Variants in OPCML observed in about 807,000 individuals in gnomAD.
OPCML encodes the protein opioid binding protein/cell adhesion molecule like.
In OPCML, 13 loss-of-function variants were observed where a neutral mutation model predicts 37.8. The ratio of observed to expected loss-of-function variants is 0.34; its 90% CI spans 0.22 to 0.55. The LOEUF (loss-of-function observed/expected upper bound fraction) is 0.55. Ranked by LOEUF, OPCML falls within the 20% of genes least tolerant of loss-of-function variation. The probability of loss-of-function intolerance (pLI) is 0.91; values close to 1 mark genes in which losing one functional copy is unlikely to be tolerated. For missense variants in OPCML, 341 were observed against 435.6 expected (o/e 0.78, Z 1.93); for synonymous variants, 176 against 168.8 (o/e 1.04, Z -0.33).
intron 2 of OPCML, among the ~76,000 whole-genome samples, chr11:132,756,120 C>T (rs1217551916): frequency 6.6e-6 from 1 of 152,164 alleles, no homozygotes; most frequent in African/African-American, 2.4e-5. Flanking sequence ...GTGGTGACGG[C>T]TGTGCAGTTG....
chr11:133,380,573 C>T (rs1944908913), intron 1 of OPCML, among the ~76,000 whole-genome samples: 1 of 152,166 alleles, frequency 6.6e-6, no homozygotes, highest in Admixed American at 6.5e-5. Flanking sequence ...ATTGCATTAT[C>T]TTAAATGATG....
At position 132,800,356 on chromosome 11, in the gene OPCML, A is replaced by G. The variant is rs139835597; in HGVS notation, c.146+142570T>C. ...ATACAATGTCATGTTATTTACAAAA[A>G]GATACTTTCCTTCTAATCTGAATTT... On this transcript the variant is annotated intron_variant, in intron 2 of 7. Coordinates refer to ENST00000524381, the MANE Select transcript of OPCML (RefSeq NM_001012393.5). Among the ~76,000 whole-genome samples, 433 of 152,302 alleles carry G rather than the reference A, an allele frequency of 2.8e-3. 3 individuals are homozygous for G. The highest frequency in any genetic ancestry group is 9.9e-3 in the African/African-American group (413 of 41,562).
intron 1 of OPCML, among the ~76,000 whole-genome samples, chr11:133,087,709 G>A (rs1035974649): frequency 2.0e-5 from 3 of 152,162 alleles, no homozygotes; most frequent in Non-Finnish European, 4.4e-5. Context: ...ACATGCCAGC[G>A]TGCCAGAGAA....
At chr11:132,718,789 A>G (rs1463148370) in intron 2 of OPCML, among the ~76,000 whole-genome samples, 1 of 152,164 alleles carries the variant, frequency 6.6e-6, no homozygotes, top group South Asian at 2.1e-4. Flanking sequence ...GGTTTCAGGA[A>G]AGGGAAAGGA....
intron 1 of OPCML, among the ~76,000 whole-genome samples, chr11:133,411,283 G>A (rs1469382304): frequency 6.6e-6 from 1 of 152,146 alleles, no homozygotes; most frequent in Non-Finnish European, 1.5e-5. Flanking sequence ...GATTTAATAC[G>A]ATTTAATTTT....
At chr11:132,736,656 G>T (rs1486907391) in intron 2 of OPCML, among the ~76,000 whole-genome samples, 1 of 152,134 alleles carries the variant, frequency 6.6e-6, no homozygotes, top group East Asian at 1.9e-4. Context: ...CATGTCATGG[G>T]GACATTCAAA....
chr11:133,014,324 T>A (rs995737792), intron 1 of OPCML, among the ~76,000 whole-genome samples: 1 of 152,146 alleles, frequency 6.6e-6, no homozygotes, highest in East Asian at 1.9e-4. Flanking sequence ...GCTTGTTTTT[T>A]TTTTCCTGTT....
intron 1 of OPCML, among the ~76,000 whole-genome samples, chr11:133,356,774 G>A (rs1030017453): frequency 1.8e-4 from 27 of 152,156 alleles, no homozygotes; most frequent in Non-Finnish European, 3.2e-4. Flanking sequence ...GCAGGAACAG[G>A]ACATATATTA....
intron 1 of OPCML, among the ~76,000 whole-genome samples, chr11:132,948,044 C>G (rs1945783585): frequency 6.6e-6 from 1 of 152,206 alleles, no homozygotes; most frequent in Non-Finnish European, 1.5e-5. Flanking sequence ...TGTTCAGATG[C>G]TGACTTGTCA....
At chr11:133,363,652 A>G (rs141636085) in intron 1 of OPCML, among the ~76,000 whole-genome samples, 1 of 152,180 alleles carries the variant, frequency 6.6e-6, no homozygotes, top group African/African-American at 2.4e-5. Context: ...ATGGAAAGCA[A>G]CACCTCAAGC....
At chr11:132,631,617 G>C (rs369333076) in intron 3 of OPCML, among the ~76,000 whole-genome samples, 1 of 150,072 alleles carries the variant, frequency 6.7e-6, no homozygotes, top group Non-Finnish European at 1.5e-5. Context: ...CCGCCACCAC[G>C]CCCGGCTAAT....
chr11:133,114,333 T>C (rs562528356), intron 1 of OPCML, among the ~76,000 whole-genome samples: 1 of 152,320 alleles, frequency 6.6e-6, no homozygotes, highest in Admixed American at 6.5e-5. Context: ...GGCCAAACTT[T>C]TGGGGTCGTT....
chr11:133,083,245 G>GGGAGCC lies in OPCML; in HGVS notation c.62-140241_62-140236dup, dbSNP rs540583663. ...CGCGGGTGCACTGAGCGGCGGGAGC[G>GGGAGCC]GGAGCCGCGGGCTTTGCCTGAGCCG... On this transcript the variant is annotated intron_variant, in intron 1 of 7. Transcript: ENST00000524381. Among the ~76,000 whole-genome samples the GGGAGCC allele has an allele frequency of 2.0e-3, 299 of 152,298 alleles. 1 individual carries two copies. The highest frequency in any genetic ancestry group is 3.2e-3 in the Non-Finnish European group (216 of 68,024).
intron 1 of OPCML, among the ~76,000 whole-genome samples, chr11:133,347,724 G>A (rs1046111471): frequency 3.9e-5 from 6 of 152,190 alleles, no homozygotes; most frequent in South Asian, 2.1e-4. Flanking sequence ...ACTCGGAAAG[G>A]AAAGCTCCTG....
intron 3 of OPCML, among the ~76,000 whole-genome samples, chr11:132,553,558 T>G (rs1295180599): frequency 6.6e-6 from 1 of 152,136 alleles, no homozygotes. Flanking sequence ...AGAAATAAAA[T>G]TAATTTCTCT....
chr11:133,228,700 G>A lies in OPCML; in HGVS notation c.62-285690C>T, dbSNP rs904501650. Reference sequence around the variant, plus strand: ...AGCTTGGGGCCTCCCACGAATTTATGGAAGGAGATTGGCTCCTGCAGAGCC... The same window carrying A: ...AGCTTGGGGCCTCCCACGAATTTATAGAAGGAGATTGGCTCCTGCAGAGCC... On this transcript the variant is annotated intron_variant, in intron 1 of 7. Transcript: ENST00000524381. 2.0e-5 allele frequency among the ~76,000 whole-genome samples: 3 copies of A among 152,354 alleles called. No homozygotes were observed. In the East Asian group the frequency reaches 5.8e-4, roughly 29 times the overall value.
chr11:133,358,811 G>A (rs1034320999), intron 1 of OPCML, among the ~76,000 whole-genome samples: 10 of 152,092 alleles, frequency 6.6e-5, no homozygotes, highest in African/African-American at 1.7e-4. Flanking sequence ...GGGGGAAGGC[G>A]TGTTCCTTCT....
intron 1 of OPCML, among the ~76,000 whole-genome samples, chr11:133,330,642 C>T (rs1193209038): frequency 6.7e-6 from 1 of 148,316 alleles, no homozygotes; most frequent in Non-Finnish European, 1.5e-5. Flanking sequence ...ACAATGAGAA[C>T]ACATGGACAC....
intron 1 of OPCML, among the ~76,000 whole-genome samples, chr11:133,038,259 C>A (rs903345238): frequency 6.6e-6 from 1 of 152,222 alleles, no homozygotes; most frequent in African/African-American, 2.4e-5. Context: ...CCAATCAGCT[C>A]CTGTCTTAGT....
Sources: gnomAD v4.1 joint callset for allele counts (sites outside exome capture counted in the v4.1 genomes callset) on GRCh38, gnomAD v4.1.1 for gene constraint, MANE v1.5 for transcripts, NCBI Gene and HGNC (gene_info 2026-07-23, HGNC 2026-07-21) for gene names.